Variants in ERBB4 observed in about 807,000 individuals in gnomAD.
ERBB4 encodes receptor tyrosine-protein kinase erbB-4.
A neutral mutation model predicts 158.0 loss-of-function variants in ERBB4; 42 were observed. That is an observed-to-expected ratio of 0.27 (90% confidence interval 0.21 to 0.34). The LOEUF is 0.34. ERBB4 is among the 10% of genes least tolerant of loss of function. The probability of loss-of-function intolerance (pLI) is 1.00; values close to 1 mark genes in which losing one functional copy is unlikely to be tolerated. For synonymous variants in ERBB4, 583 were observed against 558.7 expected (o/e 1.04, Z -0.61); for missense variants, 1,333 against 1,624.1 (o/e 0.82, Z 3.08).
chr2:211,511,890 T>C (rs2065893402), intron 20 of ERBB4, among the ~76,000 whole-genome samples: 1 of 152,180 alleles, frequency 6.6e-6, no homozygotes, highest in Middle Eastern at 3.4e-3. Context: ...ATGGTGTCAT[T>C]TGAAAAGCAG....
intron 20 of ERBB4, among the ~76,000 whole-genome samples, chr2:211,525,741 G>A (rs181567116): frequency 5.0e-4 from 76 of 152,216 alleles, no homozygotes; most frequent in African/African-American, 1.7e-3. Context: ...TCTCAGGCCT[G>A]GCAGCATTCA....
At chr2:211,637,679 T>C (rs2070411946) in intron 16 of ERBB4, among the ~76,000 whole-genome samples, 1 of 152,044 alleles carries the variant, frequency 6.6e-6, no homozygotes, top group Admixed American at 6.5e-5. Flanking sequence ...AATTAGAATT[T>C]AACTTTTACA....
chr2:211,604,530 G>T (rs2068913983), intron 19 of ERBB4, among the ~76,000 whole-genome samples: 1 of 152,118 alleles, frequency 6.6e-6, no homozygotes, highest in South Asian at 2.1e-4. Context: ...AAATAGTTTA[G>T]GTGTATGCCA....
chr2:212,296,322 T>C (rs1342840469), intron 1 of ERBB4, among the ~76,000 whole-genome samples: 2 of 151,858 alleles, frequency 1.3e-5, no homozygotes, highest in Non-Finnish European at 2.9e-5. Flanking sequence ...AGGAGAATTA[T>C]AGAAAGGAAC....
At chr2:211,766,955 G>A (rs1173186847) in intron 4 of ERBB4, among the ~76,000 whole-genome samples, 1 of 152,156 alleles carries the variant, frequency 6.6e-6, no homozygotes, top group Non-Finnish European at 1.5e-5. Context: ...CTTCACTTCA[G>A]TCTGTTTGGT....
rs1553558603 is a variant in ERBB4, at chr2:212,102,090, T to TATATATATATATA, written c.234+22661_234+22662insTATATATATATAT. Among the ~76,000 whole-genome samples, 538 of 107,946 alleles carry TATATATATATATA rather than the reference T, an allele frequency of 5.0e-3. 14 individuals carry two copies. The highest frequency in any genetic ancestry group is 0.014 in the African/African-American group (476 of 34,120). 70.8% of individuals were successfully genotyped at this position (107,946 alleles called of 152,430 possible). On this transcript the variant is annotated intron_variant, in intron 2 of 27. Transcript: ENST00000342788. The stretch of plus-strand genomic sequence containing the variant: ...AAATCATATACGTTGAAAATTTATT[T>TATATATATATATA]TATATATATATATATATATATATGT...
chr2:212,192,138 C>CTATAA (rs76039112), intron 1 of ERBB4, among the ~76,000 whole-genome samples: 138 of 114,700 alleles, frequency 1.2e-3, no homozygotes, highest in Admixed American at 3.3e-3. Flanking sequence ...GTTATGTTAT[C>CTATAA]TATATGTTAT....
At chr2:211,509,301 C>T (rs2065831355) in intron 20 of ERBB4, among the ~76,000 whole-genome samples, 1 of 152,020 alleles carries the variant, frequency 6.6e-6, no homozygotes, top group South Asian at 2.1e-4. Context: ...TGTATACTTA[C>T]ATAACAAACC....
intron 2 of ERBB4, among the ~76,000 whole-genome samples, chr2:212,010,819 C>T (rs1280655392): frequency 6.6e-6 from 1 of 151,922 alleles, no homozygotes; most frequent in African/African-American, 2.4e-5. Flanking sequence ...CCAGAGGGGC[C>T]GTTTATAGAC....
chr2:212,008,812 C>T (rs1264346936), intron 2 of ERBB4, among the ~76,000 whole-genome samples: 1 of 152,068 alleles, frequency 6.6e-6, no homozygotes, highest in Non-Finnish European at 1.5e-5. Flanking sequence ...AGGAAATTGA[C>T]AGCATTCAGA....
intron 17 of ERBB4, among the ~76,000 whole-genome samples, chr2:211,624,402 G>C (rs2069755564): frequency 6.6e-6 from 1 of 152,104 alleles, no homozygotes; most frequent in Admixed American, 6.6e-5. Flanking sequence ...ATGTGTCAGA[G>C]GAGAGGGGAA....
At chr2:212,268,508 G>T (rs949062681) in intron 1 of ERBB4, among the ~76,000 whole-genome samples, 1 of 151,750 alleles carries the variant, frequency 6.6e-6, no homozygotes, top group Non-Finnish European at 1.5e-5. Context: ...TGAAAAAATT[G>T]CATTTTTGAA....
rs1165187312 is a variant in ERBB4 at position 211,772,883 on chromosome 2, A to G, written c.556+15142T>C. On this transcript the variant is annotated intron_variant, in intron 4 of 27. Coordinates refer to ENST00000342788, the MANE Select transcript of ERBB4 (RefSeq NM_005235.3). ...TATATATATATACACATATATATAT[A>G]TACACACACACACACATATATATAT... Among the ~76,000 whole-genome samples, 3 of 104,004 alleles carry G rather than the reference A, an allele frequency of 2.9e-5. 1 individual carries two copies. The highest frequency in any genetic ancestry group is 3.8e-5 in the African/African-American group (1 of 26,212). The allele number at this position is 104,004 out of a possible 152,430, so 68.2% of individuals were successfully genotyped here. A position where few individuals can be genotyped will look rare whatever the true frequency, so the allele number is the denominator to read the frequency against.
At chr2:212,443,575 G>A (rs377224793) in intron 1 of ERBB4, among the ~76,000 whole-genome samples, 52 of 152,296 alleles carry the variant, frequency 3.4e-4, no homozygotes, top group African/African-American at 1.3e-3. Context: ...TGTTACTCCG[G>A]CCAATTTATT....
chr2:212,100,936 A>G (rs2079064412), intron 2 of ERBB4, among the ~76,000 whole-genome samples: 1 of 152,148 alleles, frequency 6.6e-6, no homozygotes, highest in Non-Finnish European at 1.5e-5. Context: ...GCCACAGGTA[A>G]GTAGATAAAT....
At chr2:212,284,015 A>AT (rs895530134) in intron 1 of ERBB4, among the ~76,000 whole-genome samples, 1 of 150,898 alleles carries the variant, frequency 6.6e-6, no homozygotes, top group Admixed American at 6.6e-5. Flanking sequence ...AACTTCCAAA[A>AT]TTTTTTTTCT....
intron 1 of ERBB4, among the ~76,000 whole-genome samples, chr2:212,145,744 A>C (rs939941962): frequency 1.4e-5 from 2 of 145,980 alleles, no homozygotes; most frequent in African/African-American, 5.4e-5. Flanking sequence ...AAAAAAAAAA[A>C]AAAAAAAGCC....
At chr2:211,479,950 TA>T (rs1443637734) in intron 20 of ERBB4, among the ~76,000 whole-genome samples, 3 of 152,130 alleles carry the variant, frequency 2.0e-5, no homozygotes, top group African/African-American at 7.2e-5. Context: ...TGATCTTGAA[TA>T]AAAAGCCTCA....
intron 20 of ERBB4, among the ~76,000 whole-genome samples, chr2:211,510,470 C>T (rs989273609): frequency 2.6e-5 from 4 of 152,074 alleles, no homozygotes; most frequent in East Asian, 1.9e-4. Context: ...ATCTAAATTT[C>T]TTTTAAAACA....
Sources: gnomAD v4.1 joint callset for allele counts (sites outside exome capture counted in the v4.1 genomes callset) on GRCh38, gnomAD v4.1.1 for gene constraint, MANE v1.5 for transcripts, NCBI Gene and HGNC (gene_info 2026-07-23, HGNC 2026-07-21) for gene names.